LRRC4C: variants seen among roughly 807,000 people sequenced by gnomAD.
LRRC4C encodes leucine rich repeat containing 4C.
Under a neutral mutation model 33.6 loss-of-function variants are expected in LRRC4C, and 5 were observed. That is an observed-to-expected ratio of 0.15 (90% CI 0.08 to 0.31). The LOEUF (loss-of-function observed/expected upper bound fraction) is 0.31. Among genes scored for constraint, LRRC4C ranks in the 10% least tolerant of loss-of-function variants. The pLI, the probability that LRRC4C is intolerant of heterozygous loss-of-function variation, is 1.00. For synonymous variants in LRRC4C, 329 were observed against 302.0 expected, an observed-to-expected ratio of 1.09 and a Z score of -0.93; for missense variants, 560 against 796.7, an observed-to-expected ratio of 0.70 and a Z score of 3.58.
At chr11:40,141,958 T>A (rs1857394993) in intron 5 of LRRC4C, among the ~76,000 whole-genome samples, 1 of 152,140 alleles carries the variant, frequency 6.6e-6, no homozygotes, top group Non-Finnish European at 1.5e-5. Flanking sequence ...TTAAAGATGA[T>A]CTGTGGATTT....
At chr11:40,949,070 T>C (rs1958566020) in intron 1 of LRRC4C, among the ~76,000 whole-genome samples, 1 of 152,122 alleles carries the variant, frequency 6.6e-6, no homozygotes, top group Non-Finnish European at 1.5e-5. Flanking sequence ...CTAACTGGTG[T>C]GAGATGATAT....
chr11:40,393,245 C>T (rs1949406360), intron 3 of LRRC4C, among the ~76,000 whole-genome samples: 1 of 152,036 alleles, frequency 6.6e-6, no homozygotes, highest in Non-Finnish European at 1.5e-5. Flanking sequence ...TGATGTTATG[C>T]CACCTTCCAC....
chr11:41,163,761 A>G (rs183859430), intron 1 of LRRC4C, among the ~76,000 whole-genome samples: 312 of 151,524 alleles, frequency 2.1e-3, no homozygotes, highest in African/African-American at 7.1e-3. Flanking sequence ...ACAGGTGCCC[A>G]CAAACACTCC....
At chr11:41,323,185 T>C (rs1413838446) in intron 1 of LRRC4C, among the ~76,000 whole-genome samples, 1 of 152,152 alleles carries the variant, frequency 6.6e-6, no homozygotes, top group Admixed American at 6.5e-5. Context: ...TTTTAATCTA[T>C]TGCCCCCAGT....
chr11:40,914,691 T>C, intron 2 of LRRC4C, among the ~76,000 whole-genome samples: 1 of 152,164 alleles, frequency 6.6e-6, no homozygotes, highest in South Asian at 2.1e-4. Context: ...TTGGAAGTTC[T>C]GGCCAGGACA....
intron 1 of LRRC4C, among the ~76,000 whole-genome samples, chr11:41,352,677 G>A (rs1167099104): frequency 6.6e-6 from 1 of 151,854 alleles, no homozygotes; most frequent in African/African-American, 2.4e-5. Context: ...TCATACTCTT[G>A]GAAGACAGCA....
At chr11:40,685,566 A>G (rs1234227832) in intron 2 of LRRC4C, among the ~76,000 whole-genome samples, 1 of 151,988 alleles carries the variant, frequency 6.6e-6, no homozygotes, top group Admixed American at 6.6e-5. Context: ...ATAATAATAT[A>G]TATTAATTTG....
intron 1 of LRRC4C, among the ~76,000 whole-genome samples, chr11:41,011,398 T>C (rs962596057): frequency 6.6e-6 from 1 of 152,182 alleles, no homozygotes; most frequent in African/African-American, 2.4e-5. Context: ...ATATGAATAC[T>C]AATTGTTCTA....
intron 3 of LRRC4C, among the ~76,000 whole-genome samples, chr11:40,379,265 C>T (rs1341687030): frequency 6.6e-6 from 1 of 151,578 alleles, no homozygotes; most frequent in Non-Finnish European, 1.5e-5. Flanking sequence ...TAAAACATAC[C>T]AATTTAATTA....
intron 1 of LRRC4C, among the ~76,000 whole-genome samples, chr11:41,055,632 T>G (rs2135321442): frequency 6.6e-6 from 1 of 152,308 alleles, no homozygotes; most frequent in Admixed American, 6.5e-5. Context: ...AGCTAGTCTC[T>G]TATCCATAAA....
At chr11:40,399,850 A>G (rs1413485660) in intron 3 of LRRC4C, among the ~76,000 whole-genome samples, 1 of 152,090 alleles carries the variant, frequency 6.6e-6, no homozygotes, top group Non-Finnish European at 1.5e-5. Context: ...GAAACGGGGC[A>G]GTTTAGTCTA....
chr11:40,526,088 A>G (rs1956037160), intron 3 of LRRC4C, among the ~76,000 whole-genome samples: 1 of 152,180 alleles, frequency 6.6e-6, no homozygotes, highest in Non-Finnish European at 1.5e-5. Context: ...AAAAAAAAGT[A>G]CTAGGTGTAG....
At chr11:40,205,725 A>C in intron 5 of LRRC4C, among the ~76,000 whole-genome samples, 1 of 152,124 alleles carries the variant, frequency 6.6e-6, no homozygotes, top group East Asian at 1.9e-4. Flanking sequence ...TTAAGGGGTA[A>C]TCAGTCAGTC....
intron 1 of LRRC4C, among the ~76,000 whole-genome samples, chr11:41,007,434 G>T (rs1362303825): frequency 1.3e-5 from 2 of 151,952 alleles, no homozygotes; most frequent in East Asian, 1.9e-4. Context: ...TGAGGAAACA[G>T]ACATTTTTAT....
intron 3 of LRRC4C, among the ~76,000 whole-genome samples, chr11:40,368,138 A>G (rs190377173): frequency 1.3e-5 from 2 of 152,310 alleles, no homozygotes; most frequent in East Asian, 3.9e-4. Flanking sequence ...AAATATATAT[A>G]TCTTTAAAAT....
At chr11:40,588,278 T>C (rs1042502426) in intron 3 of LRRC4C, among the ~76,000 whole-genome samples, 6 of 151,778 alleles carry the variant, frequency 4.0e-5, no homozygotes, top group Non-Finnish European at 7.4e-5. Context: ...GTGTTTGTAG[T>C]ATTCTCTGAT....
chr11:40,373,726 T>C (rs1948551627), intron 3 of LRRC4C, among the ~76,000 whole-genome samples: 2 of 152,144 alleles, frequency 1.3e-5, no homozygotes, highest in African/African-American at 4.8e-5. Flanking sequence ...AGTTAGGTCA[T>C]GCGAGAGCTG....
chr11:40,732,856 A>G (rs1434432232), intron 2 of LRRC4C, among the ~76,000 whole-genome samples: 1 of 152,066 alleles, frequency 6.6e-6, no homozygotes, highest in Non-Finnish European at 1.5e-5. Context: ...TTATTCGTGG[A>G]ATATTTTAAC....
At chr11:40,870,421 A>C (rs899036761) in intron 2 of LRRC4C, among the ~76,000 whole-genome samples, 1 of 152,088 alleles carries the variant, frequency 6.6e-6, no homozygotes, top group Admixed American at 6.6e-5. Flanking sequence ...TTTTGAATAC[A>C]AGTTCAACTT....
Sources: gnomAD v4.1 joint callset for allele counts (sites outside exome capture counted in the v4.1 genomes callset) on GRCh38, gnomAD v4.1.1 for gene constraint, MANE v1.5 for transcripts, NCBI Gene and HGNC (gene_info 2026-07-23, HGNC 2026-07-21) for gene names.